Variants in SEMA5A observed in about 807,000 individuals in gnomAD.
The protein encoded by SEMA5A is semaphorin-5A.
In SEMA5A, 55 loss-of-function variants were observed where a neutral mutation model predicts 135.5. That is an observed-to-expected ratio of 0.41 (90% CI 0.33 to 0.51). The LOEUF (loss-of-function observed/expected upper bound fraction) is 0.51, where lower values mean the gene tolerates loss of function less well. Among genes scored for constraint, SEMA5A ranks in the 20% least tolerant of loss-of-function variants. The pLI is 0.37. For synonymous variants in SEMA5A, 580 were observed against 546.5 expected (o/e 1.06, Z -0.85); for missense variants, 1,290 against 1,419.9 (o/e 0.91, Z 1.47).
intron 9 of SEMA5A, 132 bp from the exon 10 acceptor site, chr5:9,197,435 C>T: frequency 8.1e-6 from 9 of 1,109,078 alleles, no homozygotes; most frequent in African/African-American, 1.6e-5. Flanking sequence ...TTAAAGATCC[C>T]AAAAGGATGA....
At chr5:9,227,635 C>G (rs1311052784) in intron 6 of SEMA5A, among the ~76,000 whole-genome samples, 2 of 151,338 alleles carry the variant, frequency 1.3e-5, no homozygotes, top group Admixed American at 6.6e-5. Flanking sequence ...ACTGCAAGCT[C>G]TGCCTCCCAG....
chr5:9,178,813 T>C (rs894904418), intron 11 of SEMA5A, among the ~76,000 whole-genome samples: 15 of 152,236 alleles, frequency 9.9e-5, no homozygotes, highest in African/African-American at 3.4e-4. Context: ...AAAAGTCCTT[T>C]GTAAAAACAC....
chr5:9,323,853 G>A (rs557852096), intron 4 of SEMA5A, among the ~76,000 whole-genome samples: 12 of 151,244 alleles, frequency 7.9e-5, no homozygotes, highest in African/African-American at 2.7e-4. Flanking sequence ...GTAGAGACAG[G>A]GTTTCACCAT....
chr5:9,189,372 T>G (rs1263264044), intron 11 of SEMA5A, among the ~76,000 whole-genome samples: 2 of 148,328 alleles, frequency 1.3e-5, no homozygotes, highest in Non-Finnish European at 3.0e-5. Context: ...TAGTAAAGAT[T>G]CAGTAGATAG....
chr5:9,351,743 C>G lies in SEMA5A; in HGVS notation c.125-13931G>C, dbSNP rs149038863. On this transcript the variant is annotated intron_variant, in intron 3 of 22. Coordinates refer to ENST00000382496, the MANE Select transcript of SEMA5A (RefSeq NM_003966.3). The stretch of plus-strand genomic sequence containing the variant: ...CAGTTCATTGTGAAATACACCCACA[C>G]AGATGAAGACATATTCTTCGTCTAT... 5.1e-3 allele frequency among the ~76,000 whole-genome samples: 777 copies of G among 152,290 alleles called. 8 individuals are homozygous for G. Among genetic ancestry groups the G allele is most frequent in the African/African-American group, 0.018 (737 of 41,568 alleles).
intron 1 of SEMA5A, among the ~76,000 whole-genome samples, chr5:9,516,237 GAC>G (rs1221872924): frequency 1.3e-5 from 2 of 151,810 alleles, no homozygotes; most frequent in African/African-American, 2.4e-5. Context: ...ACCACACACA[GAC>G]ACAGATACGC....
chr5:9,060,622 TGGGAAAGCTGGGTGGGCAGAGG>T (rs1474159447), intron 18 of SEMA5A, among the ~76,000 whole-genome samples: 3 of 151,982 alleles, frequency 2.0e-5, no homozygotes, highest in Non-Finnish European at 4.4e-5. Context: ...TCAGCTTGGC[TGGGAAAGCTGGGTGGGCAGAGG>T]AGGAGTCTCC....
At chr5:9,157,236 T>G (rs1244179501) in intron 11 of SEMA5A, among the ~76,000 whole-genome samples, 4 of 152,188 alleles carry the variant, frequency 2.6e-5, no homozygotes, top group Non-Finnish European at 4.4e-5. Context: ...GCCCTTGTTC[T>G]GAACTCCTGC....
At chr5:9,255,960 G>T (rs1324237761) in intron 5 of SEMA5A, among the ~76,000 whole-genome samples, 1 of 152,078 alleles carries the variant, frequency 6.6e-6, no homozygotes, top group Non-Finnish European at 1.5e-5. Context: ...CTGGTCAAAG[G>T]TATACAAGTC....
At chr5:9,241,723 C>A (rs976497853) in intron 5 of SEMA5A, among the ~76,000 whole-genome samples, 1 of 152,084 alleles carries the variant, frequency 6.6e-6, no homozygotes. Context: ...GAGCTGTGAT[C>A]TCAAGAGTAA....
At chr5:9,460,207 G>C (rs1759003364) in intron 1 of SEMA5A, among the ~76,000 whole-genome samples, 4 of 152,122 alleles carry the variant, frequency 2.6e-5, no homozygotes, top group African/African-American at 9.7e-5. Context: ...TGAAGAATCT[G>C]ATTGTTGACC....
At chr5:9,492,192 T>C (rs1166241216) in intron 1 of SEMA5A, among the ~76,000 whole-genome samples, 1 of 152,160 alleles carries the variant, frequency 6.6e-6, no homozygotes, top group African/African-American at 2.4e-5. Flanking sequence ...CAAAAGTAAA[T>C]GTTATGAGTT....
At position 9,092,312 on chromosome 5, in the gene SEMA5A, AT is replaced by A. The variant is rs542061682; in HGVS notation, c.2073+15827del. 3.5e-4 allele frequency among the ~76,000 whole-genome samples: 53 copies of A among 152,348 alleles called. 1 individual carries two copies. Among genetic ancestry groups the A allele is most frequent in the African/African-American group, 1.0e-3 (43 of 41,580 alleles). On this transcript the variant is annotated intron_variant, in intron 16 of 22. Coordinates refer to ENST00000382496, the MANE Select transcript of SEMA5A (RefSeq NM_003966.3). ...AGGGCTCAAGGCCATTATGTTTACAATTTTATTTACAGGAGGAAGCTCAAAT... is the reference window on the plus strand; with the variant it reads ...AGGGCTCAAGGCCATTATGTTTACAATTTATTTACAGGAGGAAGCTCAAAT...
At chr5:9,106,201 A>G (rs1024414534) in intron 16 of SEMA5A, among the ~76,000 whole-genome samples, 2 of 152,222 alleles carry the variant, frequency 1.3e-5, no homozygotes, top group Non-Finnish European at 2.9e-5. Context: ...AAATTTCCCA[A>G]AAAGTGACAA....
At chr5:9,435,401 G>A (rs1291904967) in intron 2 of SEMA5A, among the ~76,000 whole-genome samples, 1 of 152,134 alleles carries the variant, frequency 6.6e-6, no homozygotes, top group Admixed American at 6.5e-5. Context: ...CCTAATTTGA[G>A]CAAAGCTGTA....
intron 21 of SEMA5A, among the ~76,000 whole-genome samples, chr5:9,047,614 A>G (rs1736341258): frequency 6.6e-6 from 1 of 152,210 alleles, no homozygotes; most frequent in Non-Finnish European, 1.5e-5. Flanking sequence ...ATTGGCTAAT[A>G]ATTTCCTGTA....
chr5:9,150,487 C>T (rs746539271), intron 12 of SEMA5A, among the ~76,000 whole-genome samples: 2 of 152,200 alleles, frequency 1.3e-5, no homozygotes, highest in East Asian at 1.9e-4. Context: ...AAAAAAAATG[C>T]TAACATCAAA....
intron 5 of SEMA5A, among the ~76,000 whole-genome samples, chr5:9,239,426 A>T (rs528890526): frequency 6.6e-6 from 1 of 152,278 alleles, no homozygotes; most frequent in African/African-American, 2.4e-5. Context: ...TCCAGAGAAA[A>T]CAGCCTCCCA....
intron 3 of SEMA5A, among the ~76,000 whole-genome samples, chr5:9,364,359 G>A (rs1754826802): frequency 6.6e-6 from 1 of 152,112 alleles, no homozygotes; most frequent in South Asian, 2.1e-4. Flanking sequence ...AGCCCTGAAT[G>A]TAATTCCTAC....
Sources: gnomAD v4.1 joint callset for allele counts (sites outside exome capture counted in the v4.1 genomes callset) on GRCh38, gnomAD v4.1.1 for gene constraint, MANE v1.5 for transcripts, NCBI Gene and HGNC (gene_info 2026-07-23, HGNC 2026-07-21) for gene names.